Variants in SHLD1 observed in about 807,000 individuals in gnomAD.
SHLD1 encodes RINN1-REV7-interacting novel NHEJ regulator 3.
A neutral mutation model predicts 5.5 loss-of-function variants in SHLD1; 3 were observed. That is an observed-to-expected ratio of 0.54 (90% CI 0.25 to 1.40). The LOEUF is 1.40. Among genes scored for constraint, SHLD1 ranks in the 40% most tolerant of loss-of-function variants. The pLI is 0.15. For missense variants in SHLD1, 210 were observed against 244.4 expected, an observed-to-expected ratio of 0.86 and a Z score of 0.94; for synonymous variants, 92 against 94.3, an observed-to-expected ratio of 0.98 and a Z score of 0.14.
At chr20:5,783,405 G>A (rs1158781450) in intron 2 of SHLD1, among the ~76,000 whole-genome samples, 1 of 152,102 alleles carries the variant, frequency 6.6e-6, no homozygotes, top group Non-Finnish European at 1.5e-5. Flanking sequence ...TGTATTTTTA[G>A]TAGAGACAAG....
intron 2 of SHLD1, among the ~76,000 whole-genome samples, chr20:5,809,173 A>C (rs1391830556): frequency 6.6e-6 from 1 of 152,130 alleles, no homozygotes; most frequent in African/African-American, 2.4e-5. Context: ...CAGCTTTTAA[A>C]AATCACCAAA....
intron 1 of SHLD1, among the ~76,000 whole-genome samples, chr20:5,767,188 G>T (rs970262618): frequency 6.6e-6 from 1 of 152,060 alleles, no homozygotes; most frequent in African/African-American, 2.4e-5. Flanking sequence ...AAGCTGGAGT[G>T]CAGTGGCACA....
rs192754370 is a variant in SHLD1 at position 5,841,902 on chromosome 20, C to T, written c.179-21122C>T. 3.0e-3 allele frequency among the ~76,000 whole-genome samples: 458 copies of T among 152,304 alleles called. 2 individuals are homozygous for T. Among genetic ancestry groups the T allele is most frequent in the African/African-American group, 0.01 (425 of 41,560 alleles). On this transcript the variant is annotated intron_variant, in intron 2 of 2. Transcript: ENST00000303142. ...ATGCAGAGGCTATTAGAGCAGCACGCATGAGCTGAGTTAGGAAGATAAAGT... is the reference window on the plus strand; with the variant it reads ...ATGCAGAGGCTATTAGAGCAGCACGTATGAGCTGAGTTAGGAAGATAAAGT...
intron 2 of SHLD1, among the ~76,000 whole-genome samples, chr20:5,819,934 G>GT (rs552215963): frequency 5.2e-4 from 78 of 149,400 alleles, no homozygotes; most frequent in East Asian, 3.5e-3. Context: ...ACTTGACAGT[G>GT]TTTTTTTTTT....
chr20:5,764,021 G>A (rs1370111499), intron 1 of SHLD1, among the ~76,000 whole-genome samples: 4 of 147,308 alleles, frequency 2.7e-5, no homozygotes, highest in African/African-American at 9.9e-5. Flanking sequence ...CAGCTACTCG[G>A]GAGACTGAGG....
intron 2 of SHLD1, among the ~76,000 whole-genome samples, chr20:5,815,198 C>T (rs964994761): frequency 2.6e-5 from 4 of 151,688 alleles, no homozygotes; most frequent in African/African-American, 4.9e-5. Context: ...GTCTGCACAT[C>T]GGCATCAACT....
intron 2 of SHLD1, among the ~76,000 whole-genome samples, chr20:5,796,196 A>G (rs982813129): frequency 1.3e-5 from 2 of 152,186 alleles, no homozygotes; most frequent in African/African-American, 4.8e-5. Flanking sequence ...CCAAATTTTA[A>G]TCAGATCTTA....
At chr20:5,841,817 A>G (rs763141882) in intron 2 of SHLD1, among the ~76,000 whole-genome samples, 1 of 152,130 alleles carries the variant, frequency 6.6e-6, no homozygotes, top group Non-Finnish European at 1.5e-5. Flanking sequence ...TTTTTTCCAA[A>G]AGAGTGTTTG....
chr20:5,781,944 C>T (rs971968929), intron 2 of SHLD1, among the ~76,000 whole-genome samples: 11 of 152,178 alleles, frequency 7.2e-5, no homozygotes, highest in South Asian at 2.1e-4. Context: ...CAGGTGCACA[C>T]GAGCTGAATA....
intron 2 of SHLD1, among the ~76,000 whole-genome samples, chr20:5,798,535 C>T (rs1031100625): frequency 3.1e-4 from 47 of 151,998 alleles, no homozygotes; most frequent in African/African-American, 1.1e-3. Flanking sequence ...ATCTCCTGAC[C>T]TTGTGATCCG....
intron 1 of SHLD1, 28 bp from the exon 2 acceptor site, chr20:5,772,834 C>A: frequency 6.3e-7 from 1 of 1,588,748 alleles, no homozygotes; most frequent in South Asian, 1.1e-5. Context: ...GCCTTTTGTA[C>A]TGAATTGTTT....
At chr20:5,767,267 G>A (rs1038331826) in intron 1 of SHLD1, among the ~76,000 whole-genome samples, 9 of 151,968 alleles carry the variant, frequency 5.9e-5, no homozygotes, top group African/African-American at 1.9e-4. Flanking sequence ...CCGAGTTGCT[G>A]GGACTACAGG....
At chr20:5,777,725 A>G (rs891661298) in intron 2 of SHLD1, among the ~76,000 whole-genome samples, 3 of 151,626 alleles carry the variant, frequency 2.0e-5, no homozygotes, top group African/African-American at 7.3e-5. Context: ...GAGCCACCAC[A>G]CCCAGCTAAA....
chr20:5,863,770 G>T lies in SHLD1; in HGVS notation c.*307G>T. 1 of 304,188 alleles carries T rather than the reference G, an allele frequency of 3.3e-6. No homozygotes were observed. The highest frequency in any genetic ancestry group is 6.3e-5 in the East Asian group (1 of 15,902). The allele number at this position is 304,188 out of a possible 1,614,324, so 18.8% of individuals were successfully genotyped here. ...TCTCTGAGGAGTAATTTATGCTCTAGCACTCCCTTTCCTCTAGATCGGCCT... is the reference window on the plus strand; with the variant it reads ...TCTCTGAGGAGTAATTTATGCTCTATCACTCCCTTTCCTCTAGATCGGCCT... On this transcript the variant is annotated 3_prime_UTR_variant, in exon 3 of 3. Coordinates refer to ENST00000303142, the MANE Select transcript of SHLD1 (RefSeq NM_152504.4).
At position 5,806,373 on chromosome 20, in the gene SHLD1, T is replaced by A. The variant is rs1225719035; in HGVS notation, c.178+33330T>A. On this transcript the variant is annotated intron_variant, in intron 2 of 2. Coordinates refer to ENST00000303142, the MANE Select transcript of SHLD1 (RefSeq NM_152504.4). This position sits in a 1 kb window ranked among gnomAD's most constrained non-coding sequence, Gnocchi z 7.6. ...TCCATTTGAAAACTAGAACATTTGC[T>A]TATCTCCCGTCCCTCTATCACTTAC... Among the ~76,000 whole-genome samples, 2 of 152,226 alleles carry A rather than the reference T, an allele frequency of 1.3e-5. No homozygotes were observed. The highest frequency in any genetic ancestry group is 6.5e-5 in the Admixed American group (1 of 15,272).
At chr20:5,758,951 GTTT>G (rs903234621) in intron 1 of SHLD1, among the ~76,000 whole-genome samples, 1 of 127,198 alleles carries the variant, frequency 7.9e-6, no homozygotes. Context: ...TTCTTGACAA[GTTT>G]TTTTTTTTTT....
chr20:5,801,901 C>G (rs2087299658), intron 2 of SHLD1, among the ~76,000 whole-genome samples: 1 of 152,016 alleles, frequency 6.6e-6, no homozygotes, highest in South Asian at 2.1e-4. Context: ...TAAGTCTCCA[C>G]TATAAAGTTC....
At chr20:5,787,997 G>A (rs1160430399) in intron 2 of SHLD1, among the ~76,000 whole-genome samples, 1 of 152,170 alleles carries the variant, frequency 6.6e-6, no homozygotes, top group Admixed American at 6.5e-5. Context: ...AGGAGATATA[G>A]TGCTACTGAG....
chr20:5,820,442 C>T (rs2087593976), intron 2 of SHLD1, among the ~76,000 whole-genome samples: 1 of 152,220 alleles, frequency 6.6e-6, no homozygotes, highest in Non-Finnish European at 1.5e-5. Context: ...ATGTGCTGGA[C>T]ACTGTGCTAG....
Sources: gnomAD v4.1 joint callset for allele counts (sites outside exome capture counted in the v4.1 genomes callset) on GRCh38, gnomAD v4.1.1 for gene constraint, Gnocchi (gnomAD v3.1) non-coding constraint, MANE v1.5 for transcripts, NCBI Gene and HGNC (gene_info 2026-07-23, HGNC 2026-07-21) for gene names.